The following BCL9L variants were observed in gnomAD, a reference collection of about 807,000 sequenced individuals.
BCL9L encodes the protein B-cell CLL/lymphoma 9-like protein.
In BCL9L, 19 loss-of-function variants were observed where a neutral mutation model predicts 99.4. The ratio of observed to expected loss-of-function variants is 0.19; its 90% CI spans 0.13 to 0.28. The LOEUF is 0.28. Among genes scored for constraint, BCL9L ranks in the 10% least tolerant of loss-of-function variants. BCL9L has a pLI of 1.00. For synonymous variants in BCL9L, 900 were observed against 854.8 expected, an observed-to-expected ratio of 1.05 and a Z score of -0.92; for missense variants, 2,023 against 2,101.6, an observed-to-expected ratio of 0.96 and a Z score of 0.73.
intron 1 of BCL9L, 131 bp from the exon 2 acceptor site, chr11:118,919,010 AG>A (rs1473598579): frequency 1.3e-5 from 2 of 149,798 alleles, no homozygotes; most frequent in Non-Finnish European, 2.9e-5. Context: ...CTGCAGCTCC[AG>A]GAAGTCTCTG....
At position 118,903,729 on chromosome 11, in the gene BCL9L, C is replaced by T. The variant is rs115526793; in HGVS notation, c.533-277G>A. 5.7e-3 allele frequency among the ~76,000 whole-genome samples: 860 copies of T among 152,212 alleles called. 8 individuals carry two copies. The highest frequency in any genetic ancestry group is 0.019 in the African/African-American group (797 of 41,536). On this transcript the variant is annotated intron_variant, in intron 5 of 9. Coordinates refer to ENST00000683865, the MANE Select transcript of BCL9L (RefSeq NM_001378213.1). The surrounding 1 kb of genome is among the most constrained non-coding windows in gnomAD (Gnocchi z 5.6). ...GTGTGATTTCATCTCATCAACACAC[C>T]CTGGGAGGAACGTGTCACACACTCC...
rs775322473 is a variant in BCL9L at position 118,900,644 on chromosome 11, G to A, written c.3099C>T (p.Ser1033=). The A allele has an allele frequency of 1.2e-6, 2 of 1,611,444 alleles. No individual in the cohort carries two copies. Among genetic ancestry groups the A allele is most frequent in the South Asian group, 2.2e-5 (2 of 90,948 alleles). The change falls in exon 8 of 10, where the codon TCC becomes TCT. Residue 1033 remains serine, a synonymous_variant. Coordinates refer to ENST00000683865, the MANE Select transcript of BCL9L (RefSeq NM_001378213.1). This position sits in a 1 kb window ranked among gnomAD's most constrained non-coding sequence, Gnocchi z 5.3. ...NKQPPLNMNS[S]TTLSNMEQGT... is the part of the protein sequence containing the mutation. ...CCTGTTCCATGTTGCTCAGGGTGGT[G>A]GAAGAGTTCATGTTGAGAGGCGGCT...
Position 118,899,177 on chromosome 11 carries a change from G to T in BCL9L, c.3738C>A (p.Gly1246=), listed in dbSNP as rs761653769. Reference sequence around the variant, plus strand: ...AGTGCTGCTGCAGGCCAGGCCCCCCGCCCCCACCCCCAGTGGGGGCCATGG... The same window carrying T: ...AGTGCTGCTGCAGGCCAGGCCCCCCTCCCCCACCCCCAGTGGGGGCCATGG... ...HGAMAPTGGG[G]GGPGLQQHYP... Residue 1246 remains glycine (G), a synonymous_variant, in exon 10 of 10, where the codon GGC becomes GGA. Transcript: ENST00000683865. 1.3e-6 allele frequency: 2 copies of T among 1,484,096 alleles called. No individual in the cohort carries two copies. The highest frequency in any genetic ancestry group is 2.4e-5 in the Admixed American group (1 of 41,348). 91.9% of individuals were successfully genotyped at this position (1,484,096 alleles called of 1,614,324 possible).
Position 118,902,778 on chromosome 11 carries a change from G to C in BCL9L, c.965C>G (p.Pro322Arg). 6.3e-7 allele frequency: 1 copy of C among 1,577,290 alleles called. No homozygotes were observed. Among genetic ancestry groups the C allele is most frequent in the Non-Finnish European group, 8.6e-7 (1 of 1,169,000 alleles). ...GCTGTCCTCAGGAGGCCCCTCTGGG[G>C]GCAGAGCAGGCGGGGCACTGCCAGG... is the stretch of plus-strand genomic sequence containing the variant. ...PAPGSAPPALPPEGPPEDSSQ... is the reference protein window; with the variant it reads ...PAPGSAPPALRPEGPPEDSSQ... Residue 322 changes from proline (P) to arginine (R), a missense_variant, in exon 8 of 10, where the codon CCC becomes CGC. Physicochemically the swap from Pro to Arg is moderately radical, Grantham distance 103 (BLOSUM62 -2). Transcript: ENST00000683865. This position sits in a 1 kb window ranked among gnomAD's most constrained non-coding sequence, Gnocchi z 7.8.
chr11:118,898,301 C>G lies in BCL9L; in HGVS notation c.*114G>C. The G allele has an allele frequency of 1.2e-5, 4 of 332,182 alleles. No homozygotes were observed. Among genetic ancestry groups the G allele is most frequent in the East Asian group, 8.9e-5 (1 of 11,216 alleles). The allele number at this position is 332,182 out of a possible 1,614,324, so 20.6% of individuals were successfully genotyped here. A position where few individuals can be genotyped will look rare whatever the true frequency, so the allele number is the denominator to read the frequency against. On this transcript the variant is annotated 3_prime_UTR_variant, in exon 10 of 10. Coordinates refer to ENST00000683865, the MANE Select transcript of BCL9L (RefSeq NM_001378213.1). ...ATGCCACTCCCTACACAAGCCCCCT[C>G]CCACCCCCTCCACCCCACCCCGCGA...
intron 2 of BCL9L, chr11:118,911,154 A>C (rs1940779305): frequency 2.2e-6 from 1 of 447,880 alleles, no homozygotes; most frequent in African/African-American, 2.0e-5. Context: ...CAGAGGCCTC[A>C]CCCAACCGCC....
rs1422463894 is a variant in BCL9L, at chr11:118,899,081, C to T, written c.3834G>A (p.Gln1278=). ...CAGCCATGGCTTTGCCCATCAGGTG[C>T]TGCTGGGGAGGCATGGGGCCTGGCG... is the stretch of plus-strand genomic sequence containing the variant. The part of the protein sequence containing the change: ...NQPPGPMPPQ[Q]HLMGKAMAGR... The change falls in exon 10 of 10, where the codon CAG becomes CAA. Residue 1278 remains glutamine, a synonymous_variant. Coordinates refer to ENST00000683865, the MANE Select transcript of BCL9L (RefSeq NM_001378213.1). 7 of 1,604,456 alleles carry T rather than the reference C, an allele frequency of 4.4e-6. No homozygotes were observed. The South Asian group carries it at 6.7e-5, about 15-fold the overall frequency.
chr11:118,918,317 G>T (rs11607239), intron 2 of BCL9L, among the ~76,000 whole-genome samples: 10,487 of 152,124 alleles, frequency 0.069, 678 homozygotes, highest in African/African-American at 0.17. Context: ...GTACACGCAC[G>T]CATGTGTACG....
In BCL9L at chr11:118,922,213, C is replaced by T. The variant is rs1941161832; in HGVS notation, c.-131+3025G>A. Among the ~76,000 whole-genome samples, 1 of 152,176 alleles carries T rather than the reference C, an allele frequency of 6.6e-6. No homozygotes were observed. The highest frequency in any genetic ancestry group is 6.5e-5 in the Admixed American group (1 of 15,286). ...GGGCTCAGAGGCCTGGCCCTGGCAC[C>T]AGGCAGAGGAAATTCCAGGCTGTAA... On this transcript the variant is annotated intron_variant, in intron 1 of 9. Transcript: ENST00000683865. This position sits in a 1 kb window ranked among gnomAD's most constrained non-coding sequence, Gnocchi z 6.2.
Position 118,898,304 on chromosome 11 carries a change from A to AACCC in BCL9L, c.*110_*111insGGGT. On this transcript the variant is annotated 3_prime_UTR_variant, in exon 10 of 10. Transcript: ENST00000683865. ...CCACTCCCTACACAAGCCCCCTCCC[A>AACCC]CCCCCTCCACCCCACCCCGCGACCC... 5.2e-6 allele frequency: 1 copy of AACCC among 193,446 alleles called. No individual in the cohort carries two copies. Among genetic ancestry groups the AACCC allele is most frequent in the East Asian group, 1.7e-4 (1 of 5,918 alleles). 12.0% of individuals were successfully genotyped at this position (193,446 alleles called of 1,614,324 possible). A position where few individuals can be genotyped will look rare whatever the true frequency, so the allele number is the denominator to read the frequency against.
Position 118,897,622 on chromosome 11 carries a change from C to A in BCL9L, c.*793G>T, listed in dbSNP as rs145472817. Reference sequence around the variant, plus strand: ...TTTACGTCATCTTACCATTTGGGGACGAGACAGGAATGGTATCCCTTAGGG... The same window carrying A: ...TTTACGTCATCTTACCATTTGGGGAAGAGACAGGAATGGTATCCCTTAGGG... On this transcript the variant is annotated 3_prime_UTR_variant, in exon 10 of 10. Transcript: ENST00000683865. 1 of 364,152 alleles carries A rather than the reference C, an allele frequency of 2.7e-6. No homozygotes were observed. 22.6% of individuals were successfully genotyped at this position (364,152 alleles called of 1,614,324 possible). A position where few individuals can be genotyped will look rare whatever the true frequency, so the allele number is the denominator to read the frequency against.
At chr11:118,917,911 TG>T (rs962811186) in intron 2 of BCL9L, among the ~76,000 whole-genome samples, 19 of 151,110 alleles carry the variant, frequency 1.3e-4, no homozygotes, top group African/African-American at 4.4e-4. Flanking sequence ...AGGCCCCAGG[TG>T]GGGGTCAAAG....
In BCL9L at chr11:118,901,807, T is replaced by G. The variant is rs34752197; in HGVS notation, c.1936A>C (p.Met646Leu). 3.7e-6 allele frequency: 6 copies of G among 1,610,686 alleles called. No homozygotes were observed. The Admixed American group carries it at 1.0e-4, about 27-fold the overall frequency. The change falls in exon 8 of 10, where the codon ATG becomes CTG. Residue 646 changes from methionine (M) to leucine (L), a missense_variant. Transcript: ENST00000683865. This position sits in a 1 kb window ranked among gnomAD's most constrained non-coding sequence, Gnocchi z 6.6. ...GMGWTEDLPP[M>L]GGPSNFAQNT... Reference sequence around the variant, plus strand: ...TGGGCAAAATTGCTGGGTCCCCCCATAGGGGGCAAGTCTTCGGTCCAGCCC... The same window carrying G: ...TGGGCAAAATTGCTGGGTCCCCCCAGAGGGGGCAAGTCTTCGGTCCAGCCC...
At chr11:118,907,726 G>A in intron 4 of BCL9L, 124 bp from the exon 5 acceptor site, 11 of 1,442,084 alleles carry the variant, frequency 7.6e-6, no homozygotes, top group East Asian at 7.4e-5. Context: ...CCAGGCCATG[G>A]TGGGCACTTC....
At position 118,898,294 on chromosome 11, in the gene BCL9L, G is replaced by GCCCCCCAACCCCC; in HGVS notation, c.*120_*121insGGGGGTTGGGGGG. 2.2e-6 allele frequency: 1 copy of GCCCCCCAACCCCC among 452,312 alleles called. No individual in the cohort carries two copies. The highest frequency in any genetic ancestry group is 4.1e-6 in the Non-Finnish European group (1 of 244,762). The allele number at this position is 452,312 out of a possible 1,614,324, so 28.0% of individuals were successfully genotyped here. A position where few individuals can be genotyped will look rare whatever the true frequency, so the allele number is the denominator to read the frequency against. The stretch of plus-strand genomic sequence containing the variant: ...TCCACAAATGCCACTCCCTACACAA[G>GCCCCCCAACCCCC]CCCCCTCCCACCCCCTCCACCCCAC... On this transcript the variant is annotated 3_prime_UTR_variant, in exon 10 of 10. Transcript: ENST00000683865.
chr11:118,919,247 C>CA (rs1441206934), intron 1 of BCL9L, among the ~76,000 whole-genome samples: 1 of 151,472 alleles, frequency 6.6e-6, no homozygotes, highest in African/African-American at 2.4e-5. Context: ...AGAGGACTCC[C>CA]ATGACCTGGC....
At chr11:118,907,791 C>T (rs1424119238) in intron 4 of BCL9L, among the ~76,000 whole-genome samples, 189 bp from the exon 5 acceptor site, 7 of 152,234 alleles carry the variant, frequency 4.6e-5, no homozygotes, top group Non-Finnish European at 5.9e-5. Flanking sequence ...TCTCTATAGC[C>T]CCATGCCTGT....
chr11:118,907,701 C>G, intron 4 of BCL9L, 99 bp from the exon 5 acceptor site: 1 of 1,532,330 alleles, frequency 6.5e-7, no homozygotes. Flanking sequence ...GATGCCCCAC[C>G]CTAGAGGGCA....
rs558739445 is a variant in BCL9L at position 118,899,284 on chromosome 11, A to C, written c.3631T>G (p.Ser1211Ala). The change falls in exon 10 of 10, where the codon TCC becomes GCC. Residue 1211 changes from serine to alanine, a missense_variant. This residue lies in a region of BCL9L where 902 missense variants were observed against 888.2 expected (regional missense o/e 1.02). Coordinates refer to ENST00000683865, the MANE Select transcript of BCL9L (RefSeq NM_001378213.1). ...ACTGGGCCACAGGGGGCATTCAGGG[A>C]GTCGGGGCCCCCTGGGGCCATCATC... ...SMMMAPGGPD[S>A]LNAPCGPVPS... The C allele has an allele frequency of 2.6e-6, 4 of 1,528,402 alleles. No individual in the cohort carries two copies. The highest frequency in any genetic ancestry group is 1.4e-5 in the African/African-American group (1 of 72,690). 94.7% of individuals were successfully genotyped at this position (1,528,402 alleles called of 1,614,324 possible).
Sources: allele counts gnomAD v4.1 joint callset (sites outside exome capture counted in the v4.1 genomes callset), GRCh38; gene constraint gnomAD v4.1.1; regional missense constraint gnomAD v4.1.1; non-coding constraint Gnocchi (gnomAD v3.1); transcripts MANE v1.5; gene names NCBI Gene and HGNC (gene_info 2026-07-23, HGNC 2026-07-21).